Variants in DDC observed in about 807,000 individuals in gnomAD.
The protein encoded by DDC is dopa decarboxylase.
Under a neutral mutation model 60.0 loss-of-function variants are expected in DDC, and 43 were observed. The ratio of observed to expected loss-of-function variants is 0.72; its 90% confidence interval spans 0.56 to 0.92. DDC has a LOEUF of 0.92. DDC is among the 40% of genes least tolerant of loss of function. The pLI, the probability that DDC is intolerant of heterozygous loss-of-function variation, is 0.00. For synonymous variants in DDC, 232 were observed against 234.6 expected (o/e 0.99, Z 0.10); for missense variants, 573 against 620.2 (o/e 0.92, Z 0.81).
intron 5 of DDC, 84 bp downstream of exon 5, chr7:50,529,124 T>C: frequency 1.3e-6 from 2 of 1,554,984 alleles, no homozygotes; most frequent in Middle Eastern, 4.6e-4. Flanking sequence ...TTTGGAAGGA[T>C]GCTGTTTGGT....
intron 8 of DDC, among the ~76,000 whole-genome samples, chr7:50,496,120 T>A (rs1176570480): frequency 1.3e-5 from 2 of 150,816 alleles, no homozygotes; most frequent in East Asian, 3.9e-4. Context: ...AGCGACAGGG[T>A]CTTACTTTGT....
chr7:50,495,062 T>G (rs1188781056), intron 9 of DDC, among the ~76,000 whole-genome samples: 1 of 152,210 alleles, frequency 6.6e-6, no homozygotes, highest in Admixed American at 6.5e-5. Flanking sequence ...GCTACTGAAT[T>G]AGAAGTGTGT....
intron 1 of DDC, among the ~76,000 whole-genome samples, chr7:50,552,281 G>A (rs1696917563): frequency 6.6e-6 from 1 of 152,172 alleles, no homozygotes; most frequent in Admixed American, 6.5e-5. Context: ...CTATGATAAA[G>A]GCTGTGGCTT....
intron 13 of DDC, 32 bp downstream of exon 13, chr7:50,467,182 G>GA: frequency 6.4e-7 from 1 of 1,559,880 alleles, no homozygotes; most frequent in Non-Finnish European, 8.8e-7. Context: ...CACATTCACA[G>GA]AAAATGAAGA....
At chr7:50,510,423 C>T (rs1475799060) in intron 6 of DDC, among the ~76,000 whole-genome samples, 1 of 152,070 alleles carries the variant, frequency 6.6e-6, no homozygotes, top group African/African-American at 2.4e-5. Context: ...AATCCCAGCA[C>T]TTTGGGAGGC....
At chr7:50,561,847 A>G (rs920625086) in intron 1 of DDC, among the ~76,000 whole-genome samples, 3 of 152,062 alleles carry the variant, frequency 2.0e-5, no homozygotes, top group Non-Finnish European at 2.9e-5. Context: ...CCCTGCCCCG[A>G]CCACACACAC....
chr7:50,539,123 T>C (rs2044518086), intron 3 of DDC: 1 of 152,854 alleles, frequency 6.5e-6, no homozygotes, highest in Admixed American at 6.5e-5. Context: ...GCATGCCACA[T>C]AGACCGATGC....
At chr7:50,561,548 C>T (rs1264623430) in intron 1 of DDC, among the ~76,000 whole-genome samples, 5 of 152,058 alleles carry the variant, frequency 3.3e-5, no homozygotes, top group Admixed American at 1.3e-4. Context: ...GGTGTTGAGC[C>T]GCATGCATCT....
At chr7:50,511,423 T>TG (rs1450938315) in intron 6 of DDC, among the ~76,000 whole-genome samples, 1 of 152,162 alleles carries the variant, frequency 6.6e-6, no homozygotes, top group Non-Finnish European at 1.5e-5. Context: ...CCCAACACTT[T>TG]GGGAGGCCAA....
chr7:50,489,066 G>A (rs1442401548), intron 9 of DDC, among the ~76,000 whole-genome samples: 2 of 152,142 alleles, frequency 1.3e-5, no homozygotes, highest in Non-Finnish European at 2.9e-5. Context: ...GAGTGCAGTG[G>A]CACCATCTCA....
intron 1 of DDC, among the ~76,000 whole-genome samples, chr7:50,549,408 T>G (rs944039041): frequency 2.6e-5 from 4 of 152,120 alleles, no homozygotes; most frequent in Non-Finnish European, 5.9e-5. Flanking sequence ...ATCCCAGCAC[T>G]TTGGGAGGCC....
At chr7:50,510,950 C>A (rs2043549333) in intron 6 of DDC, among the ~76,000 whole-genome samples, 1 of 137,202 alleles carries the variant, frequency 7.3e-6, no homozygotes, top group Admixed American at 7.6e-5. Flanking sequence ...CACTGCACTC[C>A]GGCCTGGGCG....
chr7:50,512,152 C>T (rs573488397), intron 6 of DDC, among the ~76,000 whole-genome samples: 13 of 152,220 alleles, frequency 8.5e-5, no homozygotes, highest in African/African-American at 2.9e-4. Flanking sequence ...ATAAGAAATG[C>T]ACTTTAAATG....
chr7:50,488,550 G>A (rs994897344), intron 9 of DDC, among the ~76,000 whole-genome samples: 4 of 151,908 alleles, frequency 2.6e-5, no homozygotes, highest in Non-Finnish European at 5.9e-5. Context: ...GGATGTTTGG[G>A]ATAAAACAGA....
chr7:50,486,283 C>T (rs918290091), intron 9 of DDC, among the ~76,000 whole-genome samples: 2 of 152,134 alleles, frequency 1.3e-5, no homozygotes, highest in Non-Finnish European at 2.9e-5. Flanking sequence ...CGTGCATGCA[C>T]TCTTGGTTTG....
At chr7:50,494,301 A>G (rs2043074037) in intron 9 of DDC, among the ~76,000 whole-genome samples, 1 of 152,138 alleles carries the variant, frequency 6.6e-6, no homozygotes, top group Admixed American at 6.5e-5. Flanking sequence ...AGGTCAGGAG[A>G]TCGAGACCAT....
chr7:50,499,244 TA>T lies in DDC; in HGVS notation c.782-3del. ...GCAGCCATATGTCTTCCTTGTTGCC[TA>T]AAGTTCAGAATCAACTTGTGAGTCC... is the stretch of plus-strand genomic sequence containing the variant. On this transcript the variant is annotated splice_polypyrimidine_tract_variant and splice_region_variant and intron_variant, in intron 7 of 14. Transcript: ENST00000444124. 1 of 1,610,712 alleles carries T rather than the reference TA, an allele frequency of 6.2e-7. No homozygotes were observed.
intron 7 of DDC, among the ~76,000 whole-genome samples, chr7:50,501,601 T>C (rs2043258282): frequency 6.6e-6 from 1 of 152,246 alleles, no homozygotes; most frequent in Admixed American, 6.5e-5. Flanking sequence ...TGTTAGATTA[T>C]TCTAATCATA....
At position 50,502,561 on chromosome 7, in the gene DDC, G is replaced by T. The variant is rs200127734; in HGVS notation, c.781+1432C>A. ...TTGCAGCTGATGAGGCCAATGCTGT[G>T]GCTGCAGTCCTGAGTCAGCCAGTTC... On this transcript the variant is annotated intron_variant, in intron 7 of 14. Coordinates refer to ENST00000444124, the MANE Select transcript of DDC (RefSeq NM_001082971.2). Among the ~76,000 whole-genome samples the T allele has an allele frequency of 9.2e-5, 14 of 152,368 alleles. No individual in the cohort carries two copies. In the East Asian group the frequency reaches 2.5e-3, roughly 27 times the overall value.
Sources: gnomAD v4.1 joint callset for allele counts (sites outside exome capture counted in the v4.1 genomes callset) on GRCh38, gnomAD v4.1.1 for gene constraint, MANE v1.5 for transcripts, NCBI Gene and HGNC (gene_info 2026-07-23, HGNC 2026-07-21) for gene names.